CTNNA3: variants seen among roughly 807,000 people sequenced by gnomAD.
CTNNA3 encodes catenin alpha 3.
CTNNA3 carries 76 observed loss-of-function variants against 95.7 expected under a neutral mutation model. That is an observed-to-expected ratio of 0.79 (90% CI 0.66 to 0.96). CTNNA3 has a LOEUF of 0.96. Among genes scored for constraint, CTNNA3 ranks in the 40% least tolerant of loss-of-function variants. The pLI is 0.00. For missense variants in CTNNA3, 1,191 were observed against 1,089.8 expected, an observed-to-expected ratio of 1.09 and a Z score of -1.31; for synonymous variants, 431 against 374.4, an observed-to-expected ratio of 1.15 and a Z score of -1.74.
chr10:66,223,241 A>C (rs1786095339), intron 13 of CTNNA3, among the ~76,000 whole-genome samples: 1 of 152,022 alleles, frequency 6.6e-6, no homozygotes, highest in Non-Finnish European at 1.5e-5. Flanking sequence ...TACATGTCTA[A>C]AGAATAATGC....
chr10:67,311,669 C>T (rs945112170), intron 5 of CTNNA3, among the ~76,000 whole-genome samples: 30 of 152,020 alleles, frequency 2.0e-4, no homozygotes, highest in African/African-American at 7.0e-4. Flanking sequence ...TTTAGTAAAG[C>T]ACACTCACAG....
chr10:66,536,017 A>C, intron 10 of CTNNA3, among the ~76,000 whole-genome samples: 1 of 152,110 alleles, frequency 6.6e-6, no homozygotes, highest in African/African-American at 2.4e-5. Flanking sequence ...GTTGAGATAC[A>C]CAGATATCAG....
At chr10:67,445,962 C>T (rs1405603310) in intron 5 of CTNNA3, among the ~76,000 whole-genome samples, 1 of 152,142 alleles carries the variant, frequency 6.6e-6, no homozygotes, top group African/African-American at 2.4e-5. Flanking sequence ...GCTCAATAAA[C>T]ATCAGAGAGA....
chr10:66,340,018 T>C (rs1447333420), intron 12 of CTNNA3, among the ~76,000 whole-genome samples: 1 of 151,672 alleles, frequency 6.6e-6, no homozygotes, highest in African/African-American at 2.4e-5. Context: ...TCATAATTAA[T>C]AATACATGTA....
intron 3 of CTNNA3, among the ~76,000 whole-genome samples, chr10:67,562,599 C>T (rs1335092067): frequency 1.3e-5 from 2 of 152,166 alleles, no homozygotes; most frequent in Non-Finnish European, 2.9e-5. Context: ...TGCCCTCTCT[C>T]ACCACTCCTA....
intron 3 of CTNNA3, among the ~76,000 whole-genome samples, chr10:67,588,329 T>C (rs1842695531): frequency 6.6e-6 from 1 of 152,184 alleles, no homozygotes; most frequent in South Asian, 2.1e-4. Flanking sequence ...CCGTTGTTTC[T>C]ATTTTTGAAT....
rs74806243 is a variant in CTNNA3 at position 66,134,494 on chromosome 10, G to A, written c.1885-31245C>T. The stretch of plus-strand genomic sequence containing the variant: ...AATAAGATGAGGAAGATTTGTATGA[G>A]ATAATTAGAAGTGATATTCAAGATG... On this transcript the variant is annotated intron_variant, in intron 13 of 17. Transcript: ENST00000433211. Among the ~76,000 whole-genome samples the A allele has an allele frequency of 2.5e-4, 38 of 152,210 alleles. No homozygotes were observed. In the East Asian group the frequency reaches 6.4e-3, roughly 25 times the overall value.
chr10:66,841,100 T>G (rs1843051984), intron 7 of CTNNA3, among the ~76,000 whole-genome samples: 1 of 152,306 alleles, frequency 6.6e-6, no homozygotes, highest in South Asian at 2.1e-4. Flanking sequence ...ATTGCTTTTT[T>G]TCCTTGTTTT....
At chr10:66,527,903 A>G (rs1212248953) in intron 10 of CTNNA3, among the ~76,000 whole-genome samples, 1 of 151,946 alleles carries the variant, frequency 6.6e-6, no homozygotes, top group East Asian at 1.9e-4. Context: ...CTTCCTTCTC[A>G]ATTTGGATAC....
At position 66,287,010 on chromosome 10, in the gene CTNNA3, A is replaced by T. The variant is rs576520746; in HGVS notation, c.1733-6389T>A. Among the ~76,000 whole-genome samples, 11 of 152,228 alleles carry T rather than the reference A, an allele frequency of 7.2e-5. No individual in the cohort carries two copies. In the South Asian group the frequency reaches 1.9e-3, roughly 26 times the overall value. ...ATACCTTCATGTAATTTGAAATCAG[A>T]TTCAGTTTAAACATAAGCTTCTCTG... On this transcript the variant is annotated intron_variant, in intron 12 of 17. Coordinates refer to ENST00000433211, the MANE Select transcript of CTNNA3 (RefSeq NM_013266.4).
chr10:67,579,857 G>C (rs1441161611), intron 3 of CTNNA3, among the ~76,000 whole-genome samples: 2 of 152,126 alleles, frequency 1.3e-5, no homozygotes, highest in Non-Finnish European at 2.9e-5. Context: ...GTCTTCTTTT[G>C]AGAAGTGTCT....
intron 5 of CTNNA3, among the ~76,000 whole-genome samples, chr10:67,376,889 T>C (rs1405771089): frequency 6.6e-6 from 1 of 152,192 alleles, no homozygotes; most frequent in African/African-American, 2.4e-5. Flanking sequence ...ATTACAGCCT[T>C]GATACGAGAA....
chr10:66,803,210 G>A lies in CTNNA3; in HGVS notation c.1048-27686C>T, dbSNP rs181574845. On this transcript the variant is annotated intron_variant, in intron 7 of 17. Transcript: ENST00000433211. ...AGGCAGGGCAATTATTAATCCATTT[G>A]GTTTGGTTCTGGATTTGTGTCTCTT... Among the ~76,000 whole-genome samples, 516 of 151,922 alleles carry A rather than the reference G, an allele frequency of 3.4e-3. 4 individuals are homozygous for A. Among genetic ancestry groups the A allele is most frequent in the African/African-American group, 0.012 (494 of 41,488 alleles).
At chr10:66,621,656 T>A in intron 10 of CTNNA3, 36 bp downstream of exon 10, 1 of 1,242,446 alleles carries the variant, frequency 8.0e-7, no homozygotes, top group Non-Finnish European at 1.2e-6. Context: ...GAATTATATA[T>A]AATTTTACAC....
rs577505550 is a variant in CTNNA3 at position 67,682,051 on chromosome 10, G to A, written c.-6+13949C>T. On this transcript the variant is annotated intron_variant, in intron 1 of 17. Transcript: ENST00000433211. ...TGGGCACCCGTAATCGCAGCTACTC[G>A]GGAGGCTGAGGCAGGAGAATTGCTT... Among the ~76,000 whole-genome samples the A allele has an allele frequency of 2.4e-3, 367 of 151,968 alleles. 4 individuals are homozygous for A. The highest frequency in any genetic ancestry group is 9.3e-4 in the Non-Finnish European group (63 of 67,976).
intron 7 of CTNNA3, among the ~76,000 whole-genome samples, chr10:67,097,011 G>C (rs1237698847): frequency 6.6e-6 from 1 of 151,902 alleles, no homozygotes; most frequent in African/African-American, 2.4e-5. Flanking sequence ...TTCTGCAATG[G>C]TTATCGAAGT....
intron 9 of CTNNA3, among the ~76,000 whole-genome samples, chr10:66,674,233 T>C (rs1846766526): frequency 6.6e-6 from 1 of 152,102 alleles, no homozygotes; most frequent in Non-Finnish European, 1.5e-5. Context: ...CTGATTTTTA[T>C]TGATAGCTGT....
chr10:67,230,435 A>G (rs967789153), intron 5 of CTNNA3, among the ~76,000 whole-genome samples: 2 of 152,180 alleles, frequency 1.3e-5, no homozygotes, highest in African/African-American at 4.8e-5. Context: ...TACAAAGATA[A>G]ACAGTTGGGA....
chr10:67,197,403 G>C (rs1863428470), intron 6 of CTNNA3, among the ~76,000 whole-genome samples: 1 of 152,004 alleles, frequency 6.6e-6, no homozygotes, highest in Non-Finnish European at 1.5e-5. Flanking sequence ...GAAATAGCAG[G>C]TTAAGTACAA....
Sources: gnomAD v4.1 joint callset for allele counts (sites outside exome capture counted in the v4.1 genomes callset) on GRCh38, gnomAD v4.1.1 for gene constraint, MANE v1.5 for transcripts, NCBI Gene and HGNC (gene_info 2026-07-23, HGNC 2026-07-21) for gene names.